TOP2B: variants seen among roughly 807,000 people sequenced by gnomAD.
The protein encoded by TOP2B is DNA topoisomerase II beta.
TOP2B carries 51 observed loss-of-function variants against 193.5 expected under a neutral mutation model. That is an observed-to-expected ratio of 0.26 (90% CI 0.21 to 0.33). TOP2B has a LOEUF of 0.33. Among genes scored for constraint, TOP2B ranks in the 10% least tolerant of loss-of-function variants. TOP2B has a pLI of 1.00. For missense variants in TOP2B, 1,378 were observed against 1,909.3 expected, an observed-to-expected ratio of 0.72 and a Z score of 5.19; for synonymous variants, 634 against 635.7, an observed-to-expected ratio of 1.00 and a Z score of 0.04.
Position 25,633,877 on chromosome 3 carries a change from C to G in TOP2B, c.990G>C (p.Gln330His). 6.2e-7 allele frequency: 1 copy of G among 1,611,892 alleles called. No individual in the cohort carries two copies. The highest frequency in any genetic ancestry group is 8.5e-7 in the Non-Finnish European group (1 of 1,178,986). ...CAATACTATTTACAAAGCTGATTTG[C>G]TGGAATCCTTTTTCACTCAATGTGA... ...VCLTLSEKGF[Q>H]QISFVNSIAT... Residue 330 changes from glutamine (Q) to histidine (H), a missense_variant, in exon 8 of 36, where the codon CAG becomes CAC. By Grantham distance (24) the Gln-to-His change is conservative. Transcript: ENST00000264331.
chr3:25,660,510 C>T (rs1264352496), intron 1 of TOP2B, among the ~76,000 whole-genome samples: 2 of 152,128 alleles, frequency 1.3e-5, no homozygotes, highest in Non-Finnish European at 2.9e-5. Context: ...CCCTGAAGAA[C>T]AGTTAAGATT....
At chr3:25,627,426 T>TTTTTTTTTTTTTTTTTTTTTTTGAGACGG in intron 15 of TOP2B, 130 bp from the exon 16 acceptor site, 1 of 505,246 alleles carries the variant, frequency 2.0e-6, no homozygotes, top group Non-Finnish European at 3.5e-6. Context: ...TGATCAATCT[T>TTTTTTTTTTTTTTTTTTTTTTTGAGACGG]AATAAGCAAC....
intron 3 of TOP2B, 64 bp from the exon 4 acceptor site, chr3:25,642,449 C>A: frequency 1.0e-6 from 1 of 1,003,976 alleles, no homozygotes; most frequent in South Asian, 1.6e-5. Flanking sequence ...ATGGACACAA[C>A]TGTATGTGCA....
intron 30 of TOP2B, 87 bp downstream of exon 30, chr3:25,609,096 T>C: frequency 1.7e-6 from 2 of 1,162,246 alleles, no homozygotes. Flanking sequence ...ACTAATGGCT[T>C]AGTACTTAAA....
chr3:25,647,987 G>A (rs140021108), intron 1 of TOP2B, among the ~76,000 whole-genome samples: 215 of 152,230 alleles, frequency 1.4e-3, no homozygotes, highest in African/African-American at 5.0e-3. Flanking sequence ...CAAAGCTCAT[G>A]TCCTCCCTCC....
At chr3:25,651,883 T>G (rs1703601781) in intron 1 of TOP2B, among the ~76,000 whole-genome samples, 1 of 150,470 alleles carries the variant, frequency 6.6e-6, no homozygotes, top group Non-Finnish European at 1.5e-5. Context: ...AAAAAAAGAT[T>G]AAGTGCCCAA....
intron 34 of TOP2B, among the ~76,000 whole-genome samples, chr3:25,600,155 C>T (rs751099169): frequency 1.3e-5 from 2 of 152,062 alleles, no homozygotes; most frequent in African/African-American, 4.8e-5. Flanking sequence ...TTTCACCTAC[C>T]TAACCTCTTA....
intron 27 of TOP2B, among the ~76,000 whole-genome samples, chr3:25,614,430 A>T (rs2125357334): frequency 6.6e-6 from 1 of 152,258 alleles, no homozygotes; most frequent in Non-Finnish European, 1.5e-5. Flanking sequence ...ATATACGGAA[A>T]GCACAAAAAA....
chr3:25,643,882 C>A (rs911542151), intron 2 of TOP2B, 98 bp from the exon 3 acceptor site: 22 of 784,512 alleles, frequency 2.8e-5, no homozygotes, highest in Non-Finnish European at 4.2e-5. Flanking sequence ...TATATGAATA[C>A]TTAGATCTGC....
intron 28 of TOP2B, among the ~76,000 whole-genome samples, chr3:25,612,240 C>T (rs1702389599): frequency 6.6e-6 from 1 of 152,108 alleles, no homozygotes; most frequent in Non-Finnish European, 1.5e-5. Context: ...CCGTGCCCGG[C>T]CGGCTTCCAA....
intron 15 of TOP2B, 109 bp downstream of exon 15, chr3:25,628,738 G>T: frequency 3.2e-6 from 2 of 623,626 alleles, no homozygotes; most frequent in Non-Finnish European, 2.7e-6. Flanking sequence ...ATCAGTGATA[G>T]CTATTTTCGA....
intron 18 of TOP2B, chr3:25,625,087 G>C (rs1013169691): frequency 4.2e-6 from 1 of 236,450 alleles, no homozygotes; most frequent in Non-Finnish European, 8.2e-6. Context: ...GAATCACCTA[G>C]TGGTACCAAA....
chr3:25,633,810 T>C, intron 8 of TOP2B, 31 bp downstream of exon 8: 4 of 1,576,924 alleles, frequency 2.5e-6, no homozygotes, highest in Non-Finnish European at 3.4e-6. Flanking sequence ...GTTCTACCAC[T>C]GACTTGGAAA....
rs753069547 is a variant in TOP2B at position 25,632,744 on chromosome 3, A to T, written c.1077T>A (p.Ile359=). The T allele has an allele frequency of 1.9e-6, 3 of 1,613,298 alleles. No homozygotes were observed. The highest frequency in any genetic ancestry group is 1.7e-5 in the Admixed American group (1 of 59,984). ...CTTTGTTCTTTTTCTTAACTACTTC[A>T]ATCAGTTTACCAACAACTTGATCTA... is the stretch of plus-strand genomic sequence containing the variant. ...YVVDQVVGKL[I]EVVKKKNKAG... is the part of the protein sequence containing the mutation. The change falls in exon 9 of 36, where the codon ATT becomes ATA. Residue 359 remains isoleucine, a synonymous_variant. Coordinates refer to ENST00000264331, the MANE Select transcript of TOP2B (RefSeq NM_001330700.2).
At position 25,599,467 on chromosome 3, in the gene TOP2B, G is replaced by A; in HGVS notation, c.4678C>T (p.Pro1560Ser). 6.2e-7 allele frequency: 1 copy of A among 1,613,486 alleles called. No individual in the cohort carries two copies. Among genetic ancestry groups the A allele is most frequent in the Non-Finnish European group, 8.5e-7 (1 of 1,179,640 alleles). ...GTTGTTTTGGATGTTTTCCTGCCAG[G>A]GTTATAATCGCCTTCATTTTCAGAG... Reference protein sequence around the residue: ...SGSENEGDYNPGRKTSKTTSK... With the variant: ...SGSENEGDYNSGRKTSKTTSK... Residue 1560 changes from proline (P) to serine (S), a missense_variant, in exon 35 of 36, where the codon CCT (proline) becomes TCT (serine). Physicochemically the swap from Pro to Ser is moderately conservative, Grantham distance 74. Coordinates refer to ENST00000264331, the MANE Select transcript of TOP2B (RefSeq NM_001330700.2).
chr3:25,623,384 A>C, intron 21 of TOP2B, 131 bp downstream of exon 21: 1 of 785,340 alleles, frequency 1.3e-6, no homozygotes, highest in Non-Finnish European at 2.0e-6. Context: ...ATCAAATTAT[A>C]CCCTAATTAG....
In TOP2B at chr3:25,645,412, T is replaced by A; in HGVS notation, c.128A>T (p.Asn43Ile). ...AACAGACAACTTCTTTGAAGAATCA[T>A]TTTTGTTGGCAGTTTCTGACTCTTC... is the stretch of plus-strand genomic sequence containing the variant. Reference protein sequence around the residue: ...KKEESETANKNDSSKKLSVER... With the variant: ...KKEESETANKIDSSKKLSVER... Residue 43 changes from asparagine to isoleucine, a missense_variant, in exon 2 of 36, where the codon AAT (asparagine) becomes ATT (isoleucine). Around this residue, in one of 9 missense-constraint regions of TOP2B, gnomAD observed 83 missense variants for 59.3 expected, o/e 1.40. Transcript: ENST00000264331. 4.3e-6 allele frequency: 7 copies of A among 1,613,844 alleles called. No homozygotes were observed. Among genetic ancestry groups the A allele is most frequent in the Non-Finnish European group, 5.9e-6 (7 of 1,179,806 alleles).
intron 4 of TOP2B, among the ~76,000 whole-genome samples, chr3:25,640,715 G>A (rs1367286347): frequency 6.7e-6 from 1 of 148,880 alleles, no homozygotes; most frequent in African/African-American, 2.5e-5. Context: ...CCCTTATCCA[G>A]TCTACAGAGT....
intron 3 of TOP2B, 76 bp downstream of exon 3, chr3:25,643,618 A>G: frequency 9.1e-7 from 1 of 1,096,454 alleles, no homozygotes; most frequent in Non-Finnish European, 1.4e-6. Context: ...ATACTGGTTA[A>G]GTCTGGCTTT....
Sources: gnomAD v4.1 joint callset for allele counts (sites outside exome capture counted in the v4.1 genomes callset) on GRCh38, gnomAD v4.1.1 for gene constraint, gnomAD v4.1.1 regional missense constraint, MANE v1.5 for transcripts, NCBI Gene and HGNC (gene_info 2026-07-23, HGNC 2026-07-21) for gene names.